SPIDR: variants seen among roughly 807,000 people sequenced by gnomAD.
SPIDR encodes the protein scaffold protein involved in DNA repair, also known as DNA repair-scaffolding protein.
SPIDR carries 93 observed loss-of-function variants against 104.6 expected under a neutral mutation model. That is an observed-to-expected ratio of 0.89 (90% CI 0.75 to 1.06). The LOEUF is 1.06. SPIDR is among the 50% of genes least tolerant of loss of function. SPIDR has a pLI of 0.00. For missense variants in SPIDR, 1,154 were observed against 1,111.2 expected (o/e 1.04, Z -0.55); for synonymous variants, 431 against 416.9 (o/e 1.03, Z -0.41).
chr8:47,631,757 C>T (rs2067107394), intron 10 of SPIDR, among the ~76,000 whole-genome samples: 2 of 152,162 alleles, frequency 1.3e-5, no homozygotes, highest in Admixed American at 1.3e-4. Context: ...AATACAGCTC[C>T]TTAATTTATA....
intron 8 of SPIDR, among the ~76,000 whole-genome samples, chr8:47,533,762 AAAT>A (rs770065153): frequency 1.4e-4 from 22 of 152,224 alleles, no homozygotes; most frequent in Non-Finnish European, 3.1e-4. Flanking sequence ...AAACGTCAAA[AAAT>A]AACAGTTGCT....
intron 17 of SPIDR, among the ~76,000 whole-genome samples, chr8:47,728,462 A>G (rs974294601): frequency 6.6e-6 from 1 of 151,782 alleles, no homozygotes; most frequent in Non-Finnish European, 1.5e-5. Context: ...GAAAAAAAAA[A>G]CACACACAAA....
intron 8 of SPIDR, chr8:47,511,238 C>T: frequency 1.3e-6 from 2 of 1,590,028 alleles, no homozygotes; most frequent in Admixed American, 1.7e-5. Context: ...CCACCGTCTG[C>T]AAGCCGAATT....
chr8:47,621,129 TG>T (rs2065103004), intron 10 of SPIDR, among the ~76,000 whole-genome samples: 1 of 151,800 alleles, frequency 6.6e-6, no homozygotes, highest in Non-Finnish European at 1.5e-5. Flanking sequence ...GCTAATTTTT[TG>T]TATTTTAGTA....
chr8:47,413,551 T>C (rs2154328585), intron 7 of SPIDR, among the ~76,000 whole-genome samples: 1 of 152,376 alleles, frequency 6.6e-6, no homozygotes, highest in South Asian at 2.1e-4. Flanking sequence ...TTCAGGTAGC[T>C]GTCTTGAATT....
intron 10 of SPIDR, among the ~76,000 whole-genome samples, chr8:47,664,797 G>T (rs563028436): frequency 1.4e-3 from 206 of 149,028 alleles, no homozygotes; most frequent in South Asian, 2.6e-3. Flanking sequence ...TTGGGAGGCC[G>T]CAGTGGAAGC....
At position 47,457,399 on chromosome 8, in the gene SPIDR, A is replaced by G. The variant is rs7013354; in HGVS notation, c.1097+16857A>G. 5.8e-4 allele frequency among the ~76,000 whole-genome samples: 89 copies of G among 152,188 alleles called. 1 individual carries two copies. The highest frequency in any genetic ancestry group is 1.9e-3 in the African/African-American group (81 of 41,546). On this transcript the variant is annotated intron_variant, in intron 8 of 19. Coordinates refer to ENST00000297423, the MANE Select transcript of SPIDR (RefSeq NM_001080394.4). ...TTTCATATGTTCATTGGCCATTTGT[A>G]TATCTTCTTTTGAGAATTGTCTGTT...
At chr8:47,422,777 A>G (rs1396549593) in intron 7 of SPIDR, among the ~76,000 whole-genome samples, 7 of 152,144 alleles carry the variant, frequency 4.6e-5, no homozygotes, top group African/African-American at 1.7e-4. Flanking sequence ...ATTCTAATAC[A>G]TCTTTCTAGG....
chr8:47,466,912 TATAG>T (rs1240331641), intron 8 of SPIDR, among the ~76,000 whole-genome samples: 1,834 of 113,140 alleles, frequency 0.016, 69 homozygotes, highest in African/African-American at 0.036. Context: ...TATATATATA[TATAG>T]ATAGATAGAT....
chr8:47,348,075 G>A (rs1554619572), intron 5 of SPIDR, among the ~76,000 whole-genome samples: 3 of 152,184 alleles, frequency 2.0e-5, no homozygotes, highest in African/African-American at 7.2e-5. Context: ...TGTTTTTGCA[G>A]TGGCTGGTAC....
At chr8:47,703,237 A>G (rs1435622525) in intron 14 of SPIDR, among the ~76,000 whole-genome samples, 1 of 152,098 alleles carries the variant, frequency 6.6e-6, no homozygotes, top group Non-Finnish European at 1.5e-5. Context: ...AGTTATCCAG[A>G]GTTATTTTCT....
At chr8:47,516,116 G>C in intron 8 of SPIDR, among the ~76,000 whole-genome samples, 1 of 152,158 alleles carries the variant, frequency 6.6e-6, no homozygotes, top group Non-Finnish European at 1.5e-5. Context: ...GCCAGTGTCT[G>C]CTTTTTAAGA....
In SPIDR at chr8:47,410,951, C is replaced by T. The variant is rs555323972; in HGVS notation, c.877+2990C>T. ...TGCGATAGTTTGCTGAGAATAATGG[C>T]TTCCAGCTTCATCCATGTCCCTACA... On this transcript the variant is annotated intron_variant, in intron 7 of 19. Coordinates refer to ENST00000297423, the MANE Select transcript of SPIDR (RefSeq NM_001080394.4). 2.8e-3 allele frequency among the ~76,000 whole-genome samples: 420 copies of T among 152,254 alleles called. 1 individual carries two copies. Among genetic ancestry groups the T allele is most frequent in the African/African-American group, 9.9e-3 (410 of 41,556 alleles).
intron 7 of SPIDR, among the ~76,000 whole-genome samples, chr8:47,435,124 GCTGAAA>G (rs1157916272): frequency 1.3e-5 from 2 of 152,020 alleles, no homozygotes; most frequent in Non-Finnish European, 1.5e-5. Flanking sequence ...CTCTCAAGTA[GCTGAAA>G]CTACAGTATA....
intron 5 of SPIDR, among the ~76,000 whole-genome samples, chr8:47,383,394 A>C (rs563760446): frequency 6.6e-6 from 1 of 152,304 alleles, no homozygotes; most frequent in East Asian, 1.9e-4. Flanking sequence ...TGGTTACTGA[A>C]CTGTTTTAGA....
At position 47,673,811 on chromosome 8, in the gene SPIDR, C is replaced by A; in HGVS notation, c.1555C>A (p.Leu519Met). The A allele has an allele frequency of 6.2e-7, 1 of 1,614,106 alleles. No homozygotes were observed. The highest frequency in any genetic ancestry group is 8.5e-7 in the Non-Finnish European group (1 of 1,180,016). The change falls in exon 11 of 20, where the codon CTG becomes ATG. Residue 519 changes from leucine (L) to methionine (M), a missense_variant. Leu to Met is a conservative substitution (Grantham distance 15). Transcript: ENST00000297423. ...TDPAGTRACLLVQDACGMFGE... is the reference protein window; with the variant it reads ...TDPAGTRACLMVQDACGMFGE... ...AATGGTTTTTTACAGAGCCTGCCTT[C>A]TGGTACAAGATGCCTGTGGAATGTT...
chr8:47,713,687 G>A, intron 16 of SPIDR, 46 bp downstream of exon 16: 1 of 1,604,630 alleles, frequency 6.2e-7, no homozygotes, highest in Non-Finnish European at 8.5e-7. Flanking sequence ...TTTCTTAACT[G>A]TTATACTTTA....
chr8:47,537,247 A>G (rs750525808), intron 8 of SPIDR, among the ~76,000 whole-genome samples: 2 of 152,260 alleles, frequency 1.3e-5, no homozygotes, highest in Non-Finnish European at 2.9e-5. Flanking sequence ...GCATGCCTAT[A>G]CAAACATGAG....
intron 11 of SPIDR, among the ~76,000 whole-genome samples, chr8:47,699,635 A>G (rs1022019164): frequency 3.9e-5 from 6 of 151,910 alleles, no homozygotes; most frequent in South Asian, 4.2e-4. Flanking sequence ...GCTCACTGCA[A>G]CCTCCGCCTC....
Sources: allele counts gnomAD v4.1 joint callset (sites outside exome capture counted in the v4.1 genomes callset), GRCh38; gene constraint gnomAD v4.1.1; transcripts MANE v1.5; gene names NCBI Gene and HGNC (gene_info 2026-07-23, HGNC 2026-07-21).